BRD10: variants seen among roughly 807,000 people sequenced by gnomAD.
BRD10 encodes bromodomain containing 10.
the BRD10 span, among the ~76,000 whole-genome samples, chr9:5,880,602 C>T: frequency 4.7e-4 from 71 of 152,284 alleles, no homozygotes; most frequent in African/African-American, 1.7e-3. Flanking sequence ...TTTCCCCACA[C>T]AGACATGGTC....
the BRD10 span, among the ~76,000 whole-genome samples, chr9:5,983,154 G>A: frequency 2.2e-4 from 33 of 152,134 alleles, no homozygotes; most frequent in African/African-American, 8.0e-4. Flanking sequence ...ACAAACTGGG[G>A]AGGTAACTGA....
chr9:5,943,848 G>T, the BRD10 span, among the ~76,000 whole-genome samples: 1 of 152,046 alleles, frequency 6.6e-6, no homozygotes, highest in East Asian at 1.9e-4. Flanking sequence ...ATACTCTCAG[G>T]GTTATCTGTC....
the BRD10 span, among the ~76,000 whole-genome samples, chr9:5,961,595 A>G: frequency 6.6e-6 from 1 of 152,286 alleles, no homozygotes; most frequent in African/African-American, 2.4e-5. Context: ...AAAAATTTCT[A>G]ATCGCCAGGA....
chr9:5,916,519 ATG>A, the BRD10 span, among the ~76,000 whole-genome samples: 25 of 150,196 alleles, frequency 1.7e-4, no homozygotes, highest in East Asian at 1.2e-3. Context: ...ATATATACAT[ATG>A]TGTGTATATA....
the BRD10 span, among the ~76,000 whole-genome samples, chr9:5,901,676 G>T: frequency 6.6e-6 from 1 of 151,960 alleles, no homozygotes; most frequent in Non-Finnish European, 1.5e-5. Context: ...AAGCCACCAC[G>T]CCTGGCTAAA....
the BRD10 span, among the ~76,000 whole-genome samples, chr9:5,885,433 C>G: frequency 4.0e-3 from 609 of 151,148 alleles, 13 homozygotes; most frequent in Non-Finnish European, 1.4e-3. Context: ...TGCAATGGCT[C>G]GATCTCAGCT....
the BRD10 span, among the ~76,000 whole-genome samples, chr9:5,958,681 G>A: frequency 0.046 from 6,952 of 152,174 alleles, 546 homozygotes; most frequent in African/African-American, 0.16. Context: ...TGCTTTCCTA[G>A]ATTTAGCCTT....
the BRD10 span, among the ~76,000 whole-genome samples, chr9:5,942,185 TG>T: frequency 2.6e-5 from 4 of 152,096 alleles, no homozygotes; most frequent in Non-Finnish European, 4.4e-5. Context: ...CTGACAATAG[TG>T]AAGGAAGGCT....
At chr9:5,887,594 T>A in the BRD10 span, among the ~76,000 whole-genome samples, 1 of 152,188 alleles carries the variant, frequency 6.6e-6, no homozygotes, top group African/African-American at 2.4e-5. Context: ...CAGAACTGCA[T>A]CCCTCTTTGT....
At chr9:5,918,276 T>C in the BRD10 span, among the ~76,000 whole-genome samples, 1 of 152,232 alleles carries the variant, frequency 6.6e-6, no homozygotes. Flanking sequence ...TTTAGGCCTA[T>C]GCTTCCATAT....
chr9:5,956,232 T>C, the BRD10 span, among the ~76,000 whole-genome samples: 1 of 152,274 alleles, frequency 6.6e-6, no homozygotes, highest in East Asian at 1.9e-4. Context: ...TAAACACAGG[T>C]ACTAAATTCT....
the BRD10 span, among the ~76,000 whole-genome samples, chr9:5,937,089 G>C: frequency 6.6e-6 from 1 of 151,916 alleles, no homozygotes; most frequent in Non-Finnish European, 1.5e-5. Context: ...AATATGCTGG[G>C]TGTGGTGGCA....
chr9:5,996,186 T>G, the BRD10 span, among the ~76,000 whole-genome samples: 172 of 152,300 alleles, frequency 1.1e-3, 1 homozygote, highest in African/African-American at 4.0e-3. Context: ...AATAAATGTA[T>G]TTATTCCTCT....
chr9:6,004,245 T>A, the BRD10 span, among the ~76,000 whole-genome samples: 2 of 152,262 alleles, frequency 1.3e-5, no homozygotes, highest in Non-Finnish European at 2.9e-5. Flanking sequence ...TTTGTTCATA[T>A]ATCCATTACA....
At chr9:5,971,765 T>C in the BRD10 span, among the ~76,000 whole-genome samples, 5 of 152,104 alleles carry the variant, frequency 3.3e-5, no homozygotes, top group East Asian at 1.9e-4. Context: ...AGTGGGCAGG[T>C]AGAATTTGGC....
At chr9:5,998,968 G>A in the BRD10 span, among the ~76,000 whole-genome samples, 9 of 151,954 alleles carry the variant, frequency 5.9e-5, no homozygotes, top group South Asian at 1.0e-3. Flanking sequence ...TACTAGCAAC[G>A]TTGTATTTTT....
the BRD10 span, among the ~76,000 whole-genome samples, chr9:5,952,000 CTTATTTATTTATTTA>C: frequency 7.8e-6 from 1 of 127,914 alleles, no homozygotes; most frequent in Non-Finnish European, 1.7e-5. Flanking sequence ...CAGGAAGAGA[CTTATTTATTTATTTA>C]TTTATTTATT....
chr9:5,892,531 C>T, the BRD10 span: 1 of 1,613,596 alleles, frequency 6.2e-7, no homozygotes, highest in Non-Finnish European at 8.5e-7. Flanking sequence ...GGCACGGCCA[C>T]TCTTACACCA....
the BRD10 span, among the ~76,000 whole-genome samples, chr9:5,886,841 G>A: frequency 2.4e-4 from 36 of 152,310 alleles, no homozygotes; most frequent in South Asian, 3.5e-3. Context: ...TTGAAGAAGC[G>A]ATCGCCAGCT....
Sources: allele counts gnomAD v4.1 joint callset (sites outside exome capture counted in the v4.1 genomes callset), GRCh38; gene constraint gnomAD v4.1.1; transcripts MANE v1.5; gene names NCBI Gene and HGNC (gene_info 2026-07-23, HGNC 2026-07-21).